Variants in PCDH7 observed in about 807,000 individuals in gnomAD.
PCDH7 encodes protocadherin-7.
In PCDH7, 17 loss-of-function variants were observed where a neutral mutation model predicts 58.9. That is an observed-to-expected ratio of 0.29 (90% confidence interval 0.20 to 0.43). The LOEUF is 0.43. PCDH7 is among the 20% of genes least tolerant of loss of function. The pLI is 1.00. For missense variants in PCDH7, 1,274 were observed against 1,441.0 expected, an observed-to-expected ratio of 0.88 and a Z score of 1.88; for synonymous variants, 664 against 616.4, an observed-to-expected ratio of 1.08 and a Z score of -1.14.
chr4:31,009,567 G>C (rs937770538), intron 3 of PCDH7, among the ~76,000 whole-genome samples: 1 of 151,832 alleles, frequency 6.6e-6, no homozygotes, highest in Non-Finnish European at 1.5e-5. Context: ...CACTAAAATT[G>C]AATATATTCT....
At chr4:31,096,674 A>G (rs1164090007) in intron 3 of PCDH7, among the ~76,000 whole-genome samples, 2 of 152,192 alleles carry the variant, frequency 1.3e-5, no homozygotes, top group Non-Finnish European at 2.9e-5. Flanking sequence ...ATAAATTGAT[A>G]TATCGACAAG....
chr4:30,798,462 A>G (rs941640144), intron 1 of PCDH7, among the ~76,000 whole-genome samples: 1 of 152,212 alleles, frequency 6.6e-6, no homozygotes, highest in Admixed American at 6.5e-5. Flanking sequence ...AAGCACCAAT[A>G]TGATGTTTGG....
At chr4:30,811,224 T>G (rs1288054568) in intron 1 of PCDH7, among the ~76,000 whole-genome samples, 1 of 152,188 alleles carries the variant, frequency 6.6e-6, no homozygotes, top group East Asian at 1.9e-4. Context: ...CAGTGGCACT[T>G]GATAGGAGTT....
chr4:31,101,302 T>C (rs2068858), intron 3 of PCDH7, among the ~76,000 whole-genome samples: 25,040 of 152,172 alleles, frequency 0.16, 2,264 homozygotes, highest in Middle Eastern at 0.22. Flanking sequence ...AGTATTTAAT[T>C]ATGTGCTGGG....
intron 1 of PCDH7, among the ~76,000 whole-genome samples, chr4:30,889,174 A>G (rs947114706): frequency 1.3e-5 from 2 of 150,520 alleles, no homozygotes; most frequent in African/African-American, 4.9e-5. Flanking sequence ...AAAATACTGT[A>G]TATTTACTTT....
At chr4:30,801,953 G>C (rs1457422749) in intron 1 of PCDH7, among the ~76,000 whole-genome samples, 1 of 152,206 alleles carries the variant, frequency 6.6e-6, no homozygotes, top group Non-Finnish European at 1.5e-5. Flanking sequence ...CTTTTGGTTA[G>C]AGAAGGGTAA....
At chr4:30,742,480 C>T (rs1294578478) in intron 1 of PCDH7, among the ~76,000 whole-genome samples, 1 of 152,082 alleles carries the variant, frequency 6.6e-6, no homozygotes, top group African/African-American at 2.4e-5. Context: ...TAATATAGTA[C>T]TTTTACAACC....
intron 1 of PCDH7, among the ~76,000 whole-genome samples, chr4:30,910,095 A>G (rs1741533039): frequency 6.6e-6 from 1 of 152,180 alleles, no homozygotes; most frequent in Non-Finnish European, 1.5e-5. Flanking sequence ...CTGTTTAATA[A>G]ATGGTGTTGG....
intron 1 of PCDH7, among the ~76,000 whole-genome samples, chr4:30,864,430 A>C (rs982099592): frequency 1.3e-5 from 1 of 74,750 alleles, no homozygotes; most frequent in African/African-American, 5.3e-5. Context: ...AAATTATTGG[A>C]GAACACACAC....
intron 1 of PCDH7, among the ~76,000 whole-genome samples, chr4:30,746,803 A>AT (rs1717835540): frequency 1.3e-5 from 2 of 152,008 alleles, no homozygotes; most frequent in Non-Finnish European, 2.9e-5. Context: ...TGGAAAGAAG[A>AT]TTTTTTTCCT....
chr4:31,141,646 G>A (rs1720268102), intron 3 of PCDH7, among the ~76,000 whole-genome samples: 1 of 152,180 alleles, frequency 6.6e-6, no homozygotes, highest in African/African-American at 2.4e-5. Flanking sequence ...CCTTTTAGAA[G>A]TAAAAGTCAT....
At chr4:31,002,354 A>G (rs980867593) in intron 3 of PCDH7, among the ~76,000 whole-genome samples, 1 of 152,230 alleles carries the variant, frequency 6.6e-6, no homozygotes, top group African/African-American at 2.4e-5. Flanking sequence ...CAACACGCAC[A>G]ATTTAATAGC....
At chr4:30,831,735 C>T (rs373456661) in intron 1 of PCDH7, among the ~76,000 whole-genome samples, 39 of 152,098 alleles carry the variant, frequency 2.6e-4, no homozygotes, top group Admixed American at 5.2e-4. Flanking sequence ...GATATAAGGC[C>T]TATTTTCATA....
intron 1 of PCDH7, chr4:30,786,845 A>G (rs1723461889): frequency 1.6e-6 from 1 of 639,080 alleles, no homozygotes. Flanking sequence ...GGATCCTAAT[A>G]GACCTGGATT....
rs145183026 is a variant in PCDH7 at position 30,773,998 on chromosome 4, C to G, written c.70+49402C>G. On this transcript the variant is annotated intron_variant, in intron 1 of 3. Transcript: ENST00000509759. ...GAAGTAGCACCTGAGATCTTGGTAC[C>G]ACATGCTTCTAAGTTCTCCCATGTA... Among the ~76,000 whole-genome samples, 52 of 152,282 alleles carry G rather than the reference C, an allele frequency of 3.4e-4. No homozygotes were observed. The East Asian group carries it at 8.7e-3, about 25-fold the overall frequency.
At chr4:30,959,504 A>G (rs1470956803) in intron 3 of PCDH7, among the ~76,000 whole-genome samples, 1 of 152,164 alleles carries the variant, frequency 6.6e-6, no homozygotes, top group Non-Finnish European at 1.5e-5. Flanking sequence ...TAAAACATGA[A>G]CTATTATTAT....
intron 3 of PCDH7, among the ~76,000 whole-genome samples, chr4:31,035,407 C>T (rs1242581229): frequency 6.6e-6 from 1 of 152,070 alleles, no homozygotes; most frequent in Non-Finnish European, 1.5e-5. Flanking sequence ...GCGTGTGCCA[C>T]CACGCCCGGC....
At chr4:30,994,739 C>T (rs927885044) in intron 3 of PCDH7, among the ~76,000 whole-genome samples, 2 of 152,226 alleles carry the variant, frequency 1.3e-5, no homozygotes, top group Non-Finnish European at 2.9e-5. Context: ...TATAAAAAAT[C>T]ACTATCCTTT....
intron 1 of PCDH7, chr4:30,730,675 A>T: frequency 9.6e-7 from 1 of 1,043,644 alleles, no homozygotes. Context: ...AAGCTTTCCA[A>T]TTGGGCATAA....
Sources: gnomAD v4.1 joint callset for allele counts (sites outside exome capture counted in the v4.1 genomes callset) on GRCh38, gnomAD v4.1.1 for gene constraint, MANE v1.5 for transcripts, NCBI Gene and HGNC (gene_info 2026-07-23, HGNC 2026-07-21) for gene names.